The following ZNF618 variants were observed in gnomAD, a reference collection of about 807,000 sequenced individuals.
ZNF618 encodes neural precursor cell expressed, developmentally down-regulated 10.
ZNF618 carries 34 observed loss-of-function variants against 103.0 expected under a neutral mutation model. The ratio of observed to expected loss-of-function variants is 0.33; its 90% confidence interval spans 0.25 to 0.44. The LOEUF (loss-of-function observed/expected upper bound fraction) is 0.44, where lower values mean the gene tolerates loss of function less well. Ranked by LOEUF, ZNF618 falls within the 20% of genes least tolerant of loss-of-function variation. ZNF618 has a pLI of 1.00. For missense variants in ZNF618, 1,059 were observed against 1,295.4 expected, an observed-to-expected ratio of 0.82 and a Z score of 2.80; for synonymous variants, 551 against 542.2, an observed-to-expected ratio of 1.02 and a Z score of -0.23.
chr9:113,957,944 G>A (rs569268200), intron 1 of ZNF618, among the ~76,000 whole-genome samples: 2 of 151,944 alleles, frequency 1.3e-5, no homozygotes, highest in African/African-American at 2.4e-5. Flanking sequence ...GTTTTAACTC[G>A]CTCCAGGCGG....
At chr9:114,028,004 A>G (rs989322995) in intron 10 of ZNF618, 4 of 152,006 alleles carry the variant, frequency 2.6e-5, no homozygotes, top group Non-Finnish European at 4.4e-5. Context: ...CACCACTGCT[A>G]AGGGTTCAGG....
chr9:114,052,774 A>G lies in ZNF618; in HGVS notation c.*2607A>G, dbSNP rs550045297. 3 of 152,334 alleles carry G rather than the reference A, an allele frequency of 2.0e-5. No homozygotes were observed. In the South Asian group the frequency reaches 6.2e-4, roughly 32 times the overall value. The allele number at this position is 152,334 out of a possible 1,614,324, so 9.4% of individuals were successfully genotyped here. Reference sequence around the variant, plus strand: ...CCCCATTATTGGGCCAGTTGATTAGAAAATAGGCATTTCACTTTCTTGGAA... The same window carrying G: ...CCCCATTATTGGGCCAGTTGATTAGGAAATAGGCATTTCACTTTCTTGGAA... On this transcript the variant is annotated 3_prime_UTR_variant, in exon 15 of 15. Coordinates refer to ENST00000374126, the MANE Select transcript of ZNF618 (RefSeq NM_001318042.2).
chr9:114,013,515 C>G (rs1842421996), intron 9 of ZNF618, among the ~76,000 whole-genome samples: 1 of 152,200 alleles, frequency 6.6e-6, no homozygotes, highest in African/African-American at 2.4e-5. Context: ...ACTGCAAGCT[C>G]CGCCTCCTGG....
At chr9:113,950,479 G>T (rs764680065) in intron 1 of ZNF618, among the ~76,000 whole-genome samples, 1 of 152,224 alleles carries the variant, frequency 6.6e-6, no homozygotes, top group Non-Finnish European at 1.5e-5. Flanking sequence ...ATGTGAGTCT[G>T]TCTTGGGGAG....
intron 1 of ZNF618, among the ~76,000 whole-genome samples, chr9:113,963,596 C>T (rs1409436251): frequency 1.3e-5 from 2 of 152,112 alleles, no homozygotes; most frequent in African/African-American, 2.4e-5. Context: ...AGAGTACTTG[C>T]CACATAGTAG....
intron 2 of ZNF618, among the ~76,000 whole-genome samples, chr9:113,974,458 A>C (rs1205543564): frequency 6.6e-6 from 1 of 152,226 alleles, no homozygotes; most frequent in Non-Finnish European, 1.5e-5. Context: ...TGAACAGAGA[A>C]GTGGCATAAT....
At chr9:113,923,466 C>G (rs1051764424) in intron 1 of ZNF618, among the ~76,000 whole-genome samples, 7 of 152,072 alleles carry the variant, frequency 4.6e-5, no homozygotes, top group Admixed American at 2.0e-4. Flanking sequence ...GGAAGTTACC[C>G]TCTTTTCCTA....
intron 2 of ZNF618, among the ~76,000 whole-genome samples, chr9:113,987,074 C>T (rs929707426): frequency 6.6e-6 from 1 of 152,186 alleles, no homozygotes; most frequent in Admixed American, 6.5e-5. Flanking sequence ...AGACCATGCT[C>T]TCCTCTGGCA....
At chr9:114,008,309 T>A (rs1428659433) in intron 7 of ZNF618, 35 bp from the exon 8 acceptor site, 40 of 1,612,242 alleles carry the variant, frequency 2.5e-5, no homozygotes, top group Non-Finnish European at 3.3e-5. Context: ...TTTGTTTCTT[T>A]CCTTCTGCGG....
At position 114,016,998 on chromosome 9, in the gene ZNF618, C is replaced by T. The variant is rs1410184399; in HGVS notation, c.844+214C>T. 10 of 558,838 alleles carry T rather than the reference C, an allele frequency of 1.8e-5. 1 individual carries two copies. The highest frequency in any genetic ancestry group is 1.3e-4 in the African/African-American group (7 of 51,962). 34.6% of individuals were successfully genotyped at this position (558,838 alleles called of 1,614,324 possible). On this transcript the variant is annotated intron_variant, in intron 10 of 14. Coordinates refer to ENST00000374126, the MANE Select transcript of ZNF618 (RefSeq NM_001318042.2). ...CCCCCTCTTAAGCCAGAGCAGAGTCCGAGCCCTCCCTTAGTGGACTCAGAG... is the reference window on the plus strand; with the variant it reads ...CCCCCTCTTAAGCCAGAGCAGAGTCTGAGCCCTCCCTTAGTGGACTCAGAG...
intron 1 of ZNF618, among the ~76,000 whole-genome samples, chr9:113,922,466 T>C (rs1286744644): frequency 7.2e-6 from 1 of 138,878 alleles, no homozygotes; most frequent in African/African-American, 2.6e-5. Context: ...GAGAGGGTTT[T>C]GTTTTGGTTT....
intron 1 of ZNF618, among the ~76,000 whole-genome samples, chr9:113,925,578 T>G (rs1003418780): frequency 6.6e-6 from 1 of 152,118 alleles, no homozygotes; most frequent in Non-Finnish European, 1.5e-5. Flanking sequence ...GCCCTTGTTC[T>G]TTGTTTCTTC....
chr9:113,967,671 G>T (rs1002544079), intron 1 of ZNF618, among the ~76,000 whole-genome samples: 16 of 152,178 alleles, frequency 1.1e-4, no homozygotes, highest in Non-Finnish European at 2.4e-4. Context: ...TTATGGGGTG[G>T]AGGGGGGAGG....
chr9:113,878,835 T>C (rs1025826141), intron 1 of ZNF618, among the ~76,000 whole-genome samples: 1 of 152,118 alleles, frequency 6.6e-6, no homozygotes, highest in Non-Finnish European at 1.5e-5. Context: ...TTTGTGGAAA[T>C]TTGGATGTTT....
intron 1 of ZNF618, among the ~76,000 whole-genome samples, chr9:113,960,011 A>G (rs1836697363): frequency 6.6e-6 from 1 of 152,244 alleles, no homozygotes; most frequent in Non-Finnish European, 1.5e-5. Flanking sequence ...GAAGGAAACG[A>G]GGCCCTCTGC....
chr9:113,974,625 C>T (rs1290057196), intron 2 of ZNF618, among the ~76,000 whole-genome samples: 1 of 152,034 alleles, frequency 6.6e-6, no homozygotes, highest in African/African-American at 2.4e-5. Context: ...GACTTCAGTT[C>T]AGCAAAGGAT....
chr9:114,006,714 G>A (rs1431273775), intron 6 of ZNF618, among the ~76,000 whole-genome samples: 1 of 152,186 alleles, frequency 6.6e-6, no homozygotes, highest in East Asian at 1.9e-4. Context: ...CTGGCTGCAG[G>A]CATGGACTTG....
At chr9:114,027,377 G>A (rs376891469) in intron 10 of ZNF618, among the ~76,000 whole-genome samples, 4 of 152,184 alleles carry the variant, frequency 2.6e-5, no homozygotes, top group South Asian at 4.1e-4. Flanking sequence ...TTGTTTAAGT[G>A]GGGCATGACT....
intron 12 of ZNF618, among the ~76,000 whole-genome samples, chr9:114,034,580 G>T (rs1043773367): frequency 6.6e-6 from 1 of 152,128 alleles, no homozygotes; most frequent in Non-Finnish European, 1.5e-5. Flanking sequence ...CCACTTTTTG[G>T]AGTGGGAAAC....
Sources: gnomAD v4.1 joint callset for allele counts (sites outside exome capture counted in the v4.1 genomes callset) on GRCh38, gnomAD v4.1.1 for gene constraint, MANE v1.5 for transcripts, NCBI Gene and HGNC (gene_info 2026-07-23, HGNC 2026-07-21) for gene names.